KTN1: variants seen among roughly 807,000 people sequenced by gnomAD.
The protein encoded by KTN1 is kinectin 1.
KTN1 carries 130 observed loss-of-function variants against 222.5 expected under a neutral mutation model. The observed-to-expected ratio is 0.58, with a 90% CI of 0.51 to 0.68. The LOEUF (loss-of-function observed/expected upper bound fraction) is 0.68, where lower values mean the gene tolerates loss of function less well. Among genes scored for constraint, KTN1 ranks in the 30% least tolerant of loss-of-function variants. KTN1 has a pLI of 0.00. For missense variants in KTN1, 1,508 were observed against 1,500.4 expected (o/e 1.01, Z -0.08); for synonymous variants, 512 against 496.3 (o/e 1.03, Z -0.42).
intron 42 of KTN1, 150 bp downstream of exon 42, chr14:55,678,594 A>G (rs10483650): frequency 0.071 from 43,262 of 605,432 alleles, 1,889 homozygotes; most frequent in Non-Finnish European, 0.089. Flanking sequence ...GTTTGATCTC[A>G]TTTTTGCTTA....
At chr14:55,667,931 A>G (rs1177587005) in intron 34 of KTN1, 1 of 151,348 alleles carries the variant, frequency 6.6e-6, no homozygotes, top group Non-Finnish European at 1.5e-5. Flanking sequence ...TATTTAATGG[A>G]AAACTGTTCA....
At chr14:55,617,568 A>ACC (rs1308622558) in intron 3 of KTN1, among the ~76,000 whole-genome samples, 7 of 152,208 alleles carry the variant, frequency 4.6e-5, no homozygotes, top group Admixed American at 1.3e-4. Flanking sequence ...ACTTGTTTAA[A>ACC]AATTATCAAC....
chr14:55,662,975 T>C (rs1566827854), intron 32 of KTN1: 1 of 456,070 alleles, frequency 2.2e-6, no homozygotes, highest in African/African-American at 2.0e-5. Flanking sequence ...GCCAGGACAC[T>C]GGAGGCCAGC....
intron 8 of KTN1, among the ~76,000 whole-genome samples, chr14:55,633,857 G>A (rs1272358815): frequency 2.6e-5 from 4 of 152,058 alleles, no homozygotes; most frequent in Non-Finnish European, 1.5e-5. Context: ...GACACTTTCG[G>A]GCCGGGTGTG....
chr14:55,629,184 A>G (rs1427466190), intron 6 of KTN1, among the ~76,000 whole-genome samples: 1 of 152,182 alleles, frequency 6.6e-6, no homozygotes, highest in East Asian at 1.9e-4. Context: ...TGGGAGGCTG[A>G]GGCGGGTGAA....
intron 1 of KTN1, among the ~76,000 whole-genome samples, chr14:55,591,187 A>C (rs2034055524): frequency 6.6e-6 from 1 of 151,928 alleles, no homozygotes; most frequent in Non-Finnish European, 1.5e-5. Flanking sequence ...TTTTGTTACC[A>C]CTCACAATAA....
chr14:55,607,303 A>G (rs2036871889), intron 1 of KTN1: 1 of 152,156 alleles, frequency 6.6e-6, no homozygotes. Flanking sequence ...ACGAAACACG[A>G]CTTACATATT....
At chr14:55,671,941 C>A in intron 37 of KTN1, 64 bp downstream of exon 37, 1 of 929,604 alleles carries the variant, frequency 1.1e-6, no homozygotes, top group Non-Finnish European at 1.7e-6. Context: ...CCAGCAGCAT[C>A]AGCATCACCA....
At chr14:55,613,737 G>A (rs191531932) in intron 2 of KTN1, among the ~76,000 whole-genome samples, 97 of 152,248 alleles carry the variant, frequency 6.4e-4, no homozygotes, top group African/African-American at 2.2e-3. Context: ...ACAAAGTGCT[G>A]AAATTACAGG....
chr14:55,633,441 TG>T (rs1034543554), intron 8 of KTN1, 100 bp downstream of exon 8: 13 of 659,784 alleles, frequency 2.0e-5, no homozygotes, highest in Non-Finnish European at 2.6e-5. Context: ...TAGACTTTTG[TG>T]TTTTTACATT....
In KTN1 at chr14:55,648,090, T is replaced by G. The variant is rs1469760362; in HGVS notation, c.2273T>G (p.Val758Gly). ...EELLETGLIQ[V>G]ATKEEELNAI... ...TTACTTGAAACTGGACTTATTCAGG[T>G]GGCAACTAAAGAAGAGGAGCTGAAT... is the stretch of plus-strand genomic sequence containing the variant. The change falls in exon 20 of 44, where the codon GTG becomes GGG. Residue 758 changes from valine (V) to glycine (G), a missense_variant. Physicochemically the swap from Val to Gly is moderately radical, Grantham distance 109. Coordinates refer to ENST00000395314, the MANE Select transcript of KTN1 (RefSeq NM_001079521.2). The G allele has an allele frequency of 6.4e-7, 1 of 1,567,720 alleles. No homozygotes were observed.
chr14:55,652,035 C>T (rs547118511), intron 25 of KTN1, 108 bp downstream of exon 25: 27 of 695,444 alleles, frequency 3.9e-5, no homozygotes, highest in Non-Finnish European at 4.1e-5. Context: ...TTAGAAAATA[C>T]GAAAATACTG....
chr14:55,613,877 G>A (rs9806119), intron 2 of KTN1, among the ~76,000 whole-genome samples: 1 of 152,166 alleles, frequency 6.6e-6, no homozygotes, highest in Non-Finnish European at 1.5e-5. Flanking sequence ...AAAAAATGTG[G>A]TTTATGTAGG....
intron 1 of KTN1, among the ~76,000 whole-genome samples, chr14:55,592,786 G>A (rs1171857726): frequency 6.6e-6 from 1 of 152,072 alleles, no homozygotes; most frequent in East Asian, 1.9e-4. Flanking sequence ...CTTTGTGCTT[G>A]GTATTTTGAA....
intron 1 of KTN1, among the ~76,000 whole-genome samples, chr14:55,589,555 C>T (rs1275952020): frequency 6.6e-6 from 1 of 152,060 alleles, no homozygotes; most frequent in Non-Finnish European, 1.5e-5. Context: ...AGTGATCCAC[C>T]TGCCTTAGCC....
intron 33 of KTN1, among the ~76,000 whole-genome samples, chr14:55,665,831 C>G (rs1162612452): frequency 6.6e-6 from 1 of 151,958 alleles, no homozygotes; most frequent in African/African-American, 2.4e-5. Context: ...ATGAAAACTA[C>G]TTAGCTAAAA....
intron 43 of KTN1, chr14:55,682,391 T>C (rs1328872532): frequency 6.6e-6 from 1 of 152,176 alleles, no homozygotes; most frequent in South Asian, 2.1e-4. Flanking sequence ...TAATATACTT[T>C]TTTGTTCCCA....
At position 55,613,911 on chromosome 14, in the gene KTN1, T is replaced by C. The variant is rs568688377; in HGVS notation, c.523+1340T>C. The stretch of plus-strand genomic sequence containing the variant: ...GGAGATAGAGAAAGTATAGAGGAAA[T>C]ATAGAAGCTAAAGCAACTACTGCTT... On this transcript the variant is annotated intron_variant, in intron 2 of 43. Transcript: ENST00000395314. Among the ~76,000 whole-genome samples, 7 of 152,168 alleles carry C rather than the reference T, an allele frequency of 4.6e-5. No individual in the cohort carries two copies. The East Asian group carries it at 1.3e-3, about 29-fold the overall frequency.
Position 55,671,815 on chromosome 14 carries a change from G to A in KTN1, c.3469G>A (p.Val1157Ile), listed in dbSNP as rs767461651. ...EGILQKLQRS[V>I]EQEENKWKVK... ...AATTTTACAGAAGCTACAGAGAAGT[G>A]TTGAGCAAGAAGAAAATAAATGGAA... The change falls in exon 37 of 44, where the codon GTT becomes ATT. Residue 1157 changes from valine (V) to isoleucine (I), a missense_variant. By Grantham distance (29) the Val-to-Ile change is conservative. Transcript: ENST00000395314. 8.1e-6 allele frequency: 13 copies of A among 1,611,226 alleles called. No individual in the cohort carries two copies.
Sources: gnomAD v4.1 joint callset for allele counts (sites outside exome capture counted in the v4.1 genomes callset) on GRCh38, gnomAD v4.1.1 for gene constraint, MANE v1.5 for transcripts, NCBI Gene and HGNC (gene_info 2026-07-23, HGNC 2026-07-21) for gene names.